FARS2: variants seen among roughly 807,000 people sequenced by gnomAD.
The protein encoded by FARS2 is phenylalanyl-tRNA synthetase 2, mitochondrial.
Under a neutral mutation model 46.4 loss-of-function variants are expected in FARS2, and 40 were observed. The observed-to-expected ratio is 0.86, with a 90% CI of 0.67 to 1.12. The LOEUF (loss-of-function observed/expected upper bound fraction) is 1.12, where lower values mean the gene tolerates loss of function less well. Ranked by LOEUF, FARS2 falls within the 50% of genes most tolerant of loss-of-function variation. The pLI is 0.00. For missense variants in FARS2, 513 were observed against 567.9 expected (o/e 0.90, Z 0.98); for synonymous variants, 234 against 214.9 (o/e 1.09, Z -0.78).
intron 1 of FARS2, among the ~76,000 whole-genome samples, chr6:5,354,245 A>G (rs1757771413): frequency 6.6e-6 from 1 of 152,088 alleles, no homozygotes; most frequent in South Asian, 2.1e-4. Context: ...GAGCTTAATT[A>G]TTTTGCTTCC....
chr6:5,688,328 G>A (rs1421826179), intron 6 of FARS2, among the ~76,000 whole-genome samples: 1 of 152,148 alleles, frequency 6.6e-6, no homozygotes, highest in Admixed American at 6.5e-5. Flanking sequence ...TATGAAATTG[G>A]CTGTGGGTTC....
intron 4 of FARS2, among the ~76,000 whole-genome samples, chr6:5,481,713 G>A (rs115367034): frequency 0.024 from 3,169 of 131,454 alleles, 51 homozygotes; most frequent in Middle Eastern, 0.042. Context: ...CTCACTGGTC[G>A]TTTGAGCTTA....
chr6:5,317,664 C>T (rs1234706296), intron 1 of FARS2, among the ~76,000 whole-genome samples: 2 of 151,830 alleles, frequency 1.3e-5, no homozygotes, highest in Non-Finnish European at 2.9e-5. Context: ...CCTGAAGTTG[C>T]AGCTACTCGG....
intron 6 of FARS2, among the ~76,000 whole-genome samples, chr6:5,626,173 T>C (rs995469837): frequency 2.6e-5 from 4 of 152,066 alleles, no homozygotes; most frequent in Non-Finnish European, 4.4e-5. Flanking sequence ...GAATCCCTGT[T>C]TTCTAGTGGG....
intron 5 of FARS2, among the ~76,000 whole-genome samples, chr6:5,607,374 G>A (rs1374556384): frequency 6.6e-6 from 1 of 151,002 alleles, no homozygotes; most frequent in Non-Finnish European, 1.5e-5. Context: ...TACACCAGGG[G>A]GAAAATATTA....
At chr6:5,398,049 T>C (rs2127706272) in intron 2 of FARS2, among the ~76,000 whole-genome samples, 1 of 152,330 alleles carries the variant, frequency 6.6e-6, no homozygotes, top group South Asian at 2.1e-4. Flanking sequence ...GGTGGTGATA[T>C]GTTAACTCTG....
chr6:5,326,870 A>G (rs1470881838), intron 1 of FARS2, among the ~76,000 whole-genome samples: 1 of 152,202 alleles, frequency 6.6e-6, no homozygotes, highest in African/African-American at 2.4e-5. Flanking sequence ...ACTTAGCATT[A>G]ATTTACATAT....
intron 6 of FARS2, among the ~76,000 whole-genome samples, chr6:5,614,328 G>C (rs994113729): frequency 6.6e-6 from 1 of 151,918 alleles, no homozygotes; most frequent in African/African-American, 2.4e-5. Flanking sequence ...GATTGTTCCA[G>C]GTGTGTCATA....
intron 1 of FARS2, among the ~76,000 whole-genome samples, chr6:5,319,193 A>C (rs1252103503): frequency 3.3e-5 from 5 of 152,146 alleles, no homozygotes; most frequent in African/African-American, 1.2e-4. Flanking sequence ...ATAACTGGTC[A>C]CTACCAGTGC....
rs116243272 is a variant in FARS2, at chr6:5,548,040, G to A, written c.1065+2700G>A. Among the ~76,000 whole-genome samples, 659 of 152,326 alleles carry A rather than the reference G, an allele frequency of 4.3e-3. 4 individuals carry two copies. Among genetic ancestry groups the A allele is most frequent in the Non-Finnish European group, 7.4e-3 (505 of 68,028 alleles). Reference sequence around the variant, plus strand: ...AGGCCTCAGAATCATGGCGGTGGGCGAAAGGCACTTCTTACATGGCAGCAG... The same window carrying A: ...AGGCCTCAGAATCATGGCGGTGGGCAAAAGGCACTTCTTACATGGCAGCAG... On this transcript the variant is annotated intron_variant, in intron 5 of 6. Coordinates refer to ENST00000274680, the MANE Select transcript of FARS2 (RefSeq NM_006567.5).
intron 6 of FARS2, among the ~76,000 whole-genome samples, chr6:5,641,266 C>T (rs865988543): frequency 2.0e-4 from 30 of 151,902 alleles, no homozygotes; most frequent in South Asian, 8.3e-4. Context: ...CTGCACTATC[C>T]GTTTCACGTG....
intron 4 of FARS2, among the ~76,000 whole-genome samples, chr6:5,436,176 T>G (rs931406489): frequency 6.6e-6 from 1 of 152,206 alleles, no homozygotes; most frequent in African/African-American, 2.4e-5. Context: ...CTTTCCCTGG[T>G]TACAATCAGG....
At chr6:5,255,694 A>G in the FARS2 span, among the ~76,000 whole-genome samples, 1 of 151,972 alleles carries the variant, frequency 6.6e-6, no homozygotes, top group East Asian at 2.0e-4. Flanking sequence ...GTAGCCACGA[A>G]TTTTCTCACC....
At chr6:5,283,565 A>AT (rs1482028525) in intron 1 of FARS2, among the ~76,000 whole-genome samples, 2 of 151,180 alleles carry the variant, frequency 1.3e-5, no homozygotes, top group African/African-American at 4.9e-5. Context: ...AAAAAAAAAA[A>AT]ATCAGAAGGC....
At chr6:5,474,773 C>T (rs1241288080) in intron 4 of FARS2, among the ~76,000 whole-genome samples, 1 of 149,508 alleles carries the variant, frequency 6.7e-6, no homozygotes, top group Non-Finnish European at 1.5e-5. Context: ...CAGTTCTCTA[C>T]CTCAGCCTCC....
upstream of FARS2, among the ~76,000 whole-genome samples, chr6:5,259,135 AC>A (rs1347010151): frequency 6.6e-6 from 1 of 152,118 alleles, no homozygotes; most frequent in African/African-American, 2.4e-5. Context: ...TCTCACATAA[AC>A]CCTCTCCCTG....
chr6:5,409,757 A>G (rs1761826408), intron 3 of FARS2, among the ~76,000 whole-genome samples: 1 of 152,196 alleles, frequency 6.6e-6, no homozygotes, highest in Non-Finnish European at 1.5e-5. Flanking sequence ...CCTTTGAGCC[A>G]TGGTCATTTT....
At chr6:5,607,616 A>C (rs1161124070) in intron 5 of FARS2, among the ~76,000 whole-genome samples, 1 of 152,074 alleles carries the variant, frequency 6.6e-6, no homozygotes, top group Non-Finnish European at 1.5e-5. Context: ...AGCTGTCCCC[A>C]CTGAGGTCTG....
intron 6 of FARS2, among the ~76,000 whole-genome samples, chr6:5,695,831 A>T (rs1467768182): frequency 1.3e-5 from 2 of 152,234 alleles, no homozygotes; most frequent in African/African-American, 4.8e-5. Flanking sequence ...TGGATCAGGA[A>T]TGTATAACAA....
Sources: gnomAD v4.1 joint callset for allele counts (sites outside exome capture counted in the v4.1 genomes callset) on GRCh38, gnomAD v4.1.1 for gene constraint, MANE v1.5 for transcripts, NCBI Gene and HGNC (gene_info 2026-07-23, HGNC 2026-07-21) for gene names.